ARHGEF38: variants seen among roughly 807,000 people sequenced by gnomAD.
The protein encoded by ARHGEF38 is Rho guanine nucleotide exchange factor 38.
Under a neutral mutation model 79.9 loss-of-function variants are expected in ARHGEF38, and 79 were observed. That is an observed-to-expected ratio of 0.99 (90% CI 0.82 to 1.19). ARHGEF38 has a LOEUF of 1.19. ARHGEF38 is among the 50% of genes most tolerant of loss of function. The probability of loss-of-function intolerance (pLI) is 0.00; values close to 1 mark genes in which losing one functional copy is unlikely to be tolerated. For missense variants in ARHGEF38, 962 were observed against 907.2 expected, an observed-to-expected ratio of 1.06 and a Z score of -0.78; for synonymous variants, 366 against 328.3, an observed-to-expected ratio of 1.11 and a Z score of -1.24.
At chr4:105,620,429 G>A (rs1403595293) in intron 3 of ARHGEF38, among the ~76,000 whole-genome samples, 6 of 152,168 alleles carry the variant, frequency 3.9e-5, no homozygotes, top group Non-Finnish European at 7.3e-5. Context: ...ACAAAATTAT[G>A]TGTACAGAAT....
intron 10 of ARHGEF38, 46 bp from the exon 11 acceptor site, chr4:105,666,131 A>T: frequency 3.4e-6 from 5 of 1,452,174 alleles, no homozygotes; most frequent in Non-Finnish European, 4.5e-6. Flanking sequence ...ACCTGATATG[A>T]TTATCTAGGT....
rs551103587 is a variant in ARHGEF38, at chr4:105,618,389, G to A, written c.508+4882G>A. On this transcript the variant is annotated intron_variant, in intron 3 of 13. Coordinates refer to ENST00000420470, the MANE Select transcript of ARHGEF38 (RefSeq NM_001242729.2). The stretch of plus-strand genomic sequence containing the variant: ...ATGGTGGCTCACACCTGTAATCCCA[G>A]CACTTTGGGAGGCTGATGTGGGCGG... Among the ~76,000 whole-genome samples, 5 of 152,280 alleles carry A rather than the reference G, an allele frequency of 3.3e-5. No homozygotes were observed. In the South Asian group the frequency reaches 1.0e-3, roughly 32 times the overall value.
chr4:105,577,176 G>A (rs1726545216), intron 1 of ARHGEF38, among the ~76,000 whole-genome samples: 1 of 149,980 alleles, frequency 6.7e-6, no homozygotes. Flanking sequence ...ATGTATACAT[G>A]TGCCGTGCTG....
intron 13 of ARHGEF38, among the ~76,000 whole-genome samples, chr4:105,675,458 G>A (rs1462200164): frequency 1.3e-5 from 2 of 151,958 alleles, no homozygotes; most frequent in African/African-American, 2.4e-5. Flanking sequence ...GTAATAATTT[G>A]ACCATGTTCA....
intron 5 of ARHGEF38, among the ~76,000 whole-genome samples, chr4:105,641,135 T>C (rs1729600236): frequency 6.6e-6 from 1 of 152,178 alleles, no homozygotes; most frequent in Admixed American, 6.5e-5. Flanking sequence ...TTTCTCATTT[T>C]TTTTTCTATT....
At chr4:105,569,498 A>G (rs79343955) in intron 1 of ARHGEF38, among the ~76,000 whole-genome samples, 2 of 152,198 alleles carry the variant, frequency 1.3e-5, no homozygotes, top group Admixed American at 1.3e-4. Flanking sequence ...GCCATTCACA[A>G]CCAGATACAG....
Position 105,611,984 on chromosome 4 carries a change from A to G in ARHGEF38, c.385-1400A>G, listed in dbSNP as rs1369388925. 5.3e-5 allele frequency among the ~76,000 whole-genome samples: 8 copies of G among 152,242 alleles called. No individual in the cohort carries two copies. The East Asian group carries it at 1.5e-3, about 29-fold the overall frequency. ...GATGGTTGAAAGACTTGTATACAGCAAGACCATATTGCATAAAAAATAACT... is the reference window on the plus strand; with the variant it reads ...GATGGTTGAAAGACTTGTATACAGCGAGACCATATTGCATAAAAAATAACT... On this transcript the variant is annotated intron_variant, in intron 2 of 13. Transcript: ENST00000420470.
At chr4:105,671,069 T>C (rs1211254254) in intron 13 of ARHGEF38, among the ~76,000 whole-genome samples, 1 of 152,216 alleles carries the variant, frequency 6.6e-6, no homozygotes, top group African/African-American at 2.4e-5. Context: ...GAGATAGTAT[T>C]TCAAAACAAA....
intron 1 of ARHGEF38, among the ~76,000 whole-genome samples, chr4:105,577,811 C>T (rs947067498): frequency 1.3e-5 from 2 of 151,930 alleles, no homozygotes; most frequent in African/African-American, 4.8e-5. Context: ...ATATTTGAAT[C>T]TTCTCTCTTT....
chr4:105,564,466 G>A (rs1725791073), intron 1 of ARHGEF38, among the ~76,000 whole-genome samples: 1 of 152,168 alleles, frequency 6.6e-6, no homozygotes, highest in Non-Finnish European at 1.5e-5. Flanking sequence ...ACAAAAAGTA[G>A]AATGGTGGTT....
intron 9 of ARHGEF38, among the ~76,000 whole-genome samples, chr4:105,657,028 TGATA>T (rs200343666): frequency 0.06 from 9,122 of 151,500 alleles, 308 homozygotes; most frequent in Middle Eastern, 0.12. Context: ...GATAGATAGA[TGATA>T]GATAGATAGA....
chr4:105,576,395 T>C (rs1726500337), intron 1 of ARHGEF38, among the ~76,000 whole-genome samples: 1 of 134,902 alleles, frequency 7.4e-6, no homozygotes, highest in African/African-American at 2.7e-5. Context: ...AGTTATTCAA[T>C]TTTCTTTTCT....
At chr4:105,656,086 G>T (rs113395172) in intron 9 of ARHGEF38, among the ~76,000 whole-genome samples, 2,319 of 152,130 alleles carry the variant, frequency 0.015, 51 homozygotes, top group African/African-American at 0.052. Flanking sequence ...ACAGGATCTG[G>T]CTCTGTTGCC....
At chr4:105,653,041 T>C (rs1264861762) in intron 7 of ARHGEF38, among the ~76,000 whole-genome samples, 1 of 152,208 alleles carries the variant, frequency 6.6e-6, no homozygotes, top group Admixed American at 6.5e-5. Flanking sequence ...CACACAGATT[T>C]TGCCAGGATG....
intron 1 of ARHGEF38, among the ~76,000 whole-genome samples, chr4:105,568,134 A>C (rs1330358254): frequency 1.3e-5 from 2 of 151,822 alleles, no homozygotes; most frequent in Non-Finnish European, 2.9e-5. Flanking sequence ...ATGGCTGCAT[A>C]GTATTCCATG....
chr4:105,623,172 A>G (rs868447252), intron 3 of ARHGEF38, among the ~76,000 whole-genome samples: 19 of 152,238 alleles, frequency 1.2e-4, no homozygotes, highest in African/African-American at 3.1e-4. Flanking sequence ...TTGTGTCACC[A>G]GCACCCAGAA....
intron 1 of ARHGEF38, among the ~76,000 whole-genome samples, chr4:105,553,365 A>G (rs1481747954): frequency 6.6e-6 from 1 of 152,222 alleles, no homozygotes; most frequent in African/African-American, 2.4e-5. Flanking sequence ...ACCATGAGAT[A>G]TATCTAGGTA....
intron 1 of ARHGEF38, among the ~76,000 whole-genome samples, chr4:105,588,833 T>C (rs1727178421): frequency 6.6e-6 from 1 of 152,112 alleles, no homozygotes; most frequent in Non-Finnish European, 1.5e-5. Flanking sequence ...TTGTTTTTAA[T>C]AGCAGTGACA....
chr4:105,623,080 C>A (rs1485424524), intron 3 of ARHGEF38, among the ~76,000 whole-genome samples: 1 of 152,174 alleles, frequency 6.6e-6, no homozygotes, highest in African/African-American at 2.4e-5. Context: ...ACTCCCATGG[C>A]AGGAAAATAT....
Sources: gnomAD v4.1 joint callset for allele counts (sites outside exome capture counted in the v4.1 genomes callset) on GRCh38, gnomAD v4.1.1 for gene constraint, MANE v1.5 for transcripts, NCBI Gene and HGNC (gene_info 2026-07-23, HGNC 2026-07-21) for gene names.